NCKAP5: variants seen among roughly 807,000 people sequenced by gnomAD.
NCKAP5 encodes NCK associated protein 5.
NCKAP5 carries 92 observed loss-of-function variants against 167.0 expected under a neutral mutation model. That is an observed-to-expected ratio of 0.55 (90% CI 0.47 to 0.66). The LOEUF is 0.66. NCKAP5 is among the 30% of genes least tolerant of loss of function. NCKAP5 has a pLI of 0.00. For missense variants in NCKAP5, 2,378 were observed against 2,315.0 expected, an observed-to-expected ratio of 1.03 and a Z score of -0.56; for synonymous variants, 891 against 877.4, an observed-to-expected ratio of 1.02 and a Z score of -0.27.
chr2:132,838,183 G>C (rs1489959535), intron 11 of NCKAP5, among the ~76,000 whole-genome samples: 1 of 152,124 alleles, frequency 6.6e-6, no homozygotes, highest in Non-Finnish European at 1.5e-5. Context: ...CTCTCTCCGT[G>C]GCACCTGGGG....
intron 19 of NCKAP5, among the ~76,000 whole-genome samples, chr2:132,674,628 T>C (rs1684188110): frequency 6.6e-6 from 1 of 152,264 alleles, no homozygotes; most frequent in East Asian, 1.9e-4. Context: ...TGTCTTTTGA[T>C]TGGGAAAATA....
chr2:133,646,866 A>T, the NCKAP5 span, among the ~76,000 whole-genome samples: 1 of 152,162 alleles, frequency 6.6e-6, no homozygotes, highest in African/African-American at 2.4e-5. Context: ...CAAAGTACAG[A>T]CTTTTTGTAT....
intron 11 of NCKAP5, among the ~76,000 whole-genome samples, chr2:132,802,902 A>G (rs1685150081): frequency 1.3e-5 from 2 of 152,184 alleles, no homozygotes; most frequent in African/African-American, 4.8e-5. Flanking sequence ...CCAGAATCCC[A>G]TCAAGAGAGA....
intron 8 of NCKAP5, among the ~76,000 whole-genome samples, chr2:132,937,838 C>T (rs753055509): frequency 2.0e-4 from 30 of 152,218 alleles, no homozygotes; most frequent in Non-Finnish European, 4.4e-4. Flanking sequence ...AGTAACTACT[C>T]TCTAGGGAGG....
At chr2:132,855,321 C>T (rs1689380336) in intron 11 of NCKAP5, among the ~76,000 whole-genome samples, 1 of 152,184 alleles carries the variant, frequency 6.6e-6, no homozygotes, top group Non-Finnish European at 1.5e-5. Flanking sequence ...GTCCTGTAAC[C>T]ATGCAGGATG....
intron 16 of NCKAP5, among the ~76,000 whole-genome samples, chr2:132,740,130 G>T (rs1358709523): frequency 1.3e-5 from 2 of 151,976 alleles, no homozygotes; most frequent in Non-Finnish European, 2.9e-5. Flanking sequence ...CACAAAAATA[G>T]AAAACTTTGA....
At chr2:133,578,418 G>C in the NCKAP5 span, among the ~76,000 whole-genome samples, 1 of 152,248 alleles carries the variant, frequency 6.6e-6, no homozygotes, top group Non-Finnish European at 1.5e-5. Context: ...GGAAGACGCA[G>C]ACATGCACTG....
At chr2:132,994,437 T>C (rs2149310428) in intron 6 of NCKAP5, among the ~76,000 whole-genome samples, 198 bp from the exon 7 acceptor site, 1 of 152,322 alleles carries the variant, frequency 6.6e-6, no homozygotes, top group Admixed American at 6.5e-5. Flanking sequence ...CTACATTCTC[T>C]TTCTCTACCA....
intron 5 of NCKAP5, 67 bp from the exon 6 acceptor site, chr2:133,130,178 T>A: frequency 1.3e-6 from 2 of 1,523,100 alleles, no homozygotes; most frequent in South Asian, 2.5e-5. Context: ...AATAGCTGGT[T>A]ATCAAGTGAT....
At chr2:133,325,477 T>C (rs576122387) in intron 3 of NCKAP5, among the ~76,000 whole-genome samples, 1 of 152,340 alleles carries the variant, frequency 6.6e-6, no homozygotes, top group Admixed American at 6.5e-5. Context: ...GTACTGCAAC[T>C]CATTTTAATT....
chr2:132,742,459 G>A (rs1679288597), intron 16 of NCKAP5, among the ~76,000 whole-genome samples: 1 of 151,852 alleles, frequency 6.6e-6, no homozygotes, highest in Admixed American at 6.6e-5. Context: ...TTTTATTAAA[G>A]ATATTTACAG....
chr2:133,593,417 T>A, the NCKAP5 span, among the ~76,000 whole-genome samples: 49 of 152,020 alleles, frequency 3.2e-4, no homozygotes, highest in Non-Finnish European at 8.8e-5. Flanking sequence ...TGGTGTCTTC[T>A]GTTATCATTA....
chr2:133,671,161 G>A, the NCKAP5 span, among the ~76,000 whole-genome samples: 1 of 136,274 alleles, frequency 7.3e-6, no homozygotes, highest in Admixed American at 8.6e-5. Flanking sequence ...TTTGCAGCGA[G>A]CCAAGATCGT....
At chr2:133,174,581 G>A (rs1224566030) in intron 5 of NCKAP5, among the ~76,000 whole-genome samples, 1 of 152,014 alleles carries the variant, frequency 6.6e-6, no homozygotes, top group Non-Finnish European at 1.5e-5. Context: ...TGCTCAAATT[G>A]TACCAGCTTT....
intron 5 of NCKAP5, among the ~76,000 whole-genome samples, chr2:133,144,080 GAT>G (rs1383854753): frequency 6.6e-6 from 1 of 152,118 alleles, no homozygotes; most frequent in Non-Finnish European, 1.5e-5. Flanking sequence ...GAGAGACAGA[GAT>G]GGTCTTTGCC....
intron 3 of NCKAP5, among the ~76,000 whole-genome samples, chr2:133,415,763 CT>C (rs1689073576): frequency 6.6e-6 from 1 of 152,226 alleles, no homozygotes; most frequent in Admixed American, 6.5e-5. Context: ...CACACATCCC[CT>C]ATCTGTATCA....
At chr2:133,651,000 T>G in the NCKAP5 span, among the ~76,000 whole-genome samples, 2 of 152,154 alleles carry the variant, frequency 1.3e-5, no homozygotes, top group Non-Finnish European at 2.9e-5. Flanking sequence ...AATTGAATCC[T>G]TATTTTACCC....
At chr2:133,519,587 A>G (rs1684307705) in intron 2 of NCKAP5, among the ~76,000 whole-genome samples, 1 of 152,128 alleles carries the variant, frequency 6.6e-6, no homozygotes, top group East Asian at 1.9e-4. Context: ...CCTCTCCACC[A>G]AAAACACACC....
chr2:133,319,887 G>A (rs1046494545), intron 3 of NCKAP5, among the ~76,000 whole-genome samples: 3 of 152,042 alleles, frequency 2.0e-5, no homozygotes, highest in African/African-American at 7.2e-5. Flanking sequence ...CTATAATAAC[G>A]AATCACACTC....
Sources: allele counts gnomAD v4.1 joint callset (sites outside exome capture counted in the v4.1 genomes callset), GRCh38; gene constraint gnomAD v4.1.1; transcripts MANE v1.5; gene names NCBI Gene and HGNC (gene_info 2026-07-23, HGNC 2026-07-21).